AGBL4: variants seen among roughly 807,000 people sequenced by gnomAD.
AGBL4 encodes AGBL carboxypeptidase 4.
AGBL4 carries 58 observed loss-of-function variants against 66.4 expected under a neutral mutation model. The observed-to-expected ratio is 0.87, with a 90% CI of 0.71 to 1.09. AGBL4 has a LOEUF of 1.09. AGBL4 is among the 50% of genes least tolerant of loss of function. The probability of loss-of-function intolerance (pLI) is 0.00; values close to 1 mark genes in which losing one functional copy is unlikely to be tolerated. For missense variants in AGBL4, 579 were observed against 631.0 expected, an observed-to-expected ratio of 0.92 and a Z score of 0.88; for synonymous variants, 234 against 222.9, an observed-to-expected ratio of 1.05 and a Z score of -0.44.
chr1:49,725,797 A>C (rs778320629), intron 2 of AGBL4, among the ~76,000 whole-genome samples: 2 of 151,076 alleles, frequency 1.3e-5, no homozygotes, highest in Non-Finnish European at 2.9e-5. Flanking sequence ...CAGGCATTCA[A>C]CTGACCAAAG....
chr1:48,999,728 C>A (rs1158659224), intron 5 of AGBL4, among the ~76,000 whole-genome samples: 1 of 152,072 alleles, frequency 6.6e-6, no homozygotes, highest in Non-Finnish European at 1.5e-5. Flanking sequence ...ACAAAGAAGC[C>A]TGAAGGACTT....
intron 1 of AGBL4, among the ~76,000 whole-genome samples, chr1:49,870,738 T>G (rs1646818455): frequency 6.6e-6 from 1 of 151,948 alleles, no homozygotes. Flanking sequence ...GAAAAGATAT[T>G]CAACCACACT....
chr1:48,749,918 C>T (rs1349819326), intron 6 of AGBL4, among the ~76,000 whole-genome samples: 1 of 152,170 alleles, frequency 6.6e-6, no homozygotes, highest in Non-Finnish European at 1.5e-5. Flanking sequence ...GGTTGGGGGG[C>T]TAAGGAGTTG....
chr1:49,264,180 T>C (rs1371901814), intron 3 of AGBL4, among the ~76,000 whole-genome samples: 1 of 152,078 alleles, frequency 6.6e-6, no homozygotes, highest in African/African-American at 2.4e-5. Flanking sequence ...ATATCCGTAA[T>C]GACTTATTTA....
At chr1:48,698,170 C>T (rs1646744235) in intron 6 of AGBL4, among the ~76,000 whole-genome samples, 2 of 152,160 alleles carry the variant, frequency 1.3e-5, no homozygotes, top group Non-Finnish European at 2.9e-5. Context: ...TTGGGGGTGA[C>T]CTCAGCTAGG....
chr1:49,677,328 AC>A (rs746933516), intron 3 of AGBL4, among the ~76,000 whole-genome samples: 7 of 152,058 alleles, frequency 4.6e-5, no homozygotes, highest in Non-Finnish European at 8.8e-5. Flanking sequence ...TTTTGCCAAT[AC>A]TTTTTCTGCA....
intron 6 of AGBL4, among the ~76,000 whole-genome samples, chr1:48,842,500 A>G (rs966188489): frequency 5.9e-5 from 9 of 152,216 alleles, no homozygotes; most frequent in African/African-American, 1.7e-4. Flanking sequence ...AAAGAAAGCT[A>G]TGAGCAGTCA....
At chr1:48,810,954 T>C (rs1420316019) in intron 6 of AGBL4, among the ~76,000 whole-genome samples, 3 of 152,202 alleles carry the variant, frequency 2.0e-5, no homozygotes, top group Non-Finnish European at 4.4e-5. Context: ...GCTTGTCCAG[T>C]GTCTACATAT....
At chr1:49,871,559 T>C (rs1646839808) in intron 1 of AGBL4, among the ~76,000 whole-genome samples, 1 of 152,104 alleles carries the variant, frequency 6.6e-6, no homozygotes, top group Admixed American at 6.6e-5. Flanking sequence ...TGGTACTCAT[T>C]AAGTTTTTGA....
At chr1:49,381,263 C>T (rs529093908) in intron 3 of AGBL4, among the ~76,000 whole-genome samples, 45 of 152,296 alleles carry the variant, frequency 3.0e-4, no homozygotes, top group Middle Eastern at 3.4e-3. Context: ...CATCACTGGC[C>T]ATCAGAGAAA....
chr1:49,895,535 A>G (rs1414831965), intron 1 of AGBL4, among the ~76,000 whole-genome samples: 1 of 152,096 alleles, frequency 6.6e-6, no homozygotes, highest in East Asian at 1.9e-4. Context: ...AACATAGTAC[A>G]ATAAGATATA....
chr1:49,849,399 A>ATTG (rs1296860507), intron 2 of AGBL4, among the ~76,000 whole-genome samples: 11 of 107,260 alleles, frequency 1.0e-4, no homozygotes, highest in Non-Finnish European at 2.2e-4. Flanking sequence ...CTAATTTATT[A>ATTG]TTATTATTAT....
intron 4 of AGBL4, among the ~76,000 whole-genome samples, chr1:49,128,691 T>A (rs919645677): frequency 1.3e-5 from 2 of 151,950 alleles, no homozygotes; most frequent in African/African-American, 4.8e-5. Context: ...GACAATAATA[T>A]CATACCATAT....
chr1:48,947,960 G>A (rs773324019), intron 5 of AGBL4, among the ~76,000 whole-genome samples: 1 of 151,064 alleles, frequency 6.6e-6, no homozygotes, highest in Non-Finnish European at 1.5e-5. Flanking sequence ...GCGCAATCTC[G>A]GCTCACTGCA....
intron 11 of AGBL4, among the ~76,000 whole-genome samples, chr1:48,543,632 G>C (rs1171270293): frequency 6.6e-6 from 1 of 152,156 alleles, no homozygotes; most frequent in Non-Finnish European, 1.5e-5. Flanking sequence ...TCTAGGGCTG[G>C]GCCAGGTCTC....
intron 6 of AGBL4, among the ~76,000 whole-genome samples, chr1:48,819,950 A>T (rs1357045510): frequency 6.6e-6 from 1 of 152,172 alleles, no homozygotes; most frequent in African/African-American, 2.4e-5. Context: ...TCTGCTCTCC[A>T]ATCATAGTAT....
At chr1:49,674,353 A>C (rs1646539070) in intron 3 of AGBL4, among the ~76,000 whole-genome samples, 1 of 151,960 alleles carries the variant, frequency 6.6e-6, no homozygotes, top group Non-Finnish European at 1.5e-5. Flanking sequence ...AGGGCCCAGC[A>C]TGTATTCTTC....
intron 6 of AGBL4, among the ~76,000 whole-genome samples, chr1:48,692,256 A>G (rs17104667): frequency 0.061 from 9,344 of 152,166 alleles, 923 homozygotes; most frequent in African/African-American, 0.21. Flanking sequence ...GGTATTTTCA[A>G]AAAGAATGAA....
Position 49,552,815 on chromosome 1 carries a change from T to C in AGBL4, c.282+144498A>G, listed in dbSNP as rs1321565451. 5.3e-5 allele frequency among the ~76,000 whole-genome samples: 8 copies of C among 152,356 alleles called. No homozygotes were observed. The East Asian group carries it at 1.4e-3, about 26-fold the overall frequency. Reference sequence around the variant, plus strand: ...CCGAGTCAGAGCTGCAATTTAGTCCTGCCTCCTATCTGCCATGATGACGCT... The same window carrying C: ...CCGAGTCAGAGCTGCAATTTAGTCCCGCCTCCTATCTGCCATGATGACGCT... On this transcript the variant is annotated intron_variant, in intron 3 of 13. Coordinates refer to ENST00000371839, the MANE Select transcript of AGBL4 (RefSeq NM_032785.4).
Sources: gnomAD v4.1 joint callset for allele counts (sites outside exome capture counted in the v4.1 genomes callset) on GRCh38, gnomAD v4.1.1 for gene constraint, MANE v1.5 for transcripts, NCBI Gene and HGNC (gene_info 2026-07-23, HGNC 2026-07-21) for gene names.